TSC2: variants seen among roughly 807,000 people sequenced by gnomAD.
The protein encoded by TSC2 is TSC complex subunit 2, also known as tuberin.
Under a neutral mutation model 202.2 loss-of-function variants are expected in TSC2, and 29 were observed. The observed-to-expected ratio is 0.14, with a 90% CI of 0.11 to 0.20. The LOEUF is 0.20. TSC2 is among the 10% of genes least tolerant of loss of function. TSC2 has a pLI of 1.00. For synonymous variants in TSC2, 1,349 were observed against 1,044.0 expected (o/e 1.29, Z -5.63); for missense variants, 2,429 against 2,420.0 (o/e 1.00, Z -0.08).
intron 10 of TSC2, among the ~76,000 whole-genome samples, chr16:2,059,464 T>C (rs566298977): frequency 6.8e-6 from 1 of 146,844 alleles, no homozygotes; most frequent in African/African-American, 2.5e-5. Context: ...CTCAGCCTCC[T>C]GAGTAGCTGG....
chr16:2,082,532 G>C (rs1250795010), intron 32 of TSC2, 28 bp downstream of exon 32: 1 of 1,607,016 alleles, frequency 6.2e-7, no homozygotes, highest in East Asian at 2.2e-5. Context: ...GAAGCGGTTG[G>C]CTGCAGAGCG....
At chr16:2,075,594 G>A (rs567121736) in intron 22 of TSC2, among the ~76,000 whole-genome samples, 32 of 150,976 alleles carry the variant, frequency 2.1e-4, no homozygotes, top group Non-Finnish European at 3.5e-4. Context: ...AATGGTAGGC[G>A]ACAGCTCGAA....
rs774389795 is a variant in TSC2 at position 2,079,016 on chromosome 16, C to T, written c.2967-16C>T. 27 of 1,611,988 alleles carry T rather than the reference C, an allele frequency of 1.7e-5. No individual in the cohort carries two copies. The highest frequency in any genetic ancestry group is 1.6e-4 in the Middle Eastern group (1 of 6,084). ...CTACCTGGCACCCTGACCCTGGTCACGGCCTCTCCCTCCAGCAGGATACAG... is the reference window on the plus strand; with the variant it reads ...CTACCTGGCACCCTGACCCTGGTCATGGCCTCTCCCTCCAGCAGGATACAG... On this transcript the variant is annotated splice_polypyrimidine_tract_variant and intron_variant, in intron 26 of 41. Coordinates refer to ENST00000219476, the MANE Select transcript of TSC2 (RefSeq NM_000548.5). The surrounding 1 kb of genome is among the most constrained non-coding windows in gnomAD (Gnocchi z 4.6).
chr16:2,080,736 G>T (rs761760194), intron 30 of TSC2: 3 of 278,718 alleles, frequency 1.1e-5, no homozygotes, highest in Non-Finnish European at 2.1e-5. Context: ...CGCCCGCCTT[G>T]GCCTCCCAAA....
intron 16 of TSC2, 94 bp downstream of exon 16, chr16:2,065,729 G>A (rs2087261400): frequency 1.8e-6 from 2 of 1,131,430 alleles, no homozygotes; most frequent in Non-Finnish European, 1.3e-6. Flanking sequence ...TTCCCCAGCG[G>A]GACCCACACC....
intron 23 of TSC2, 47 bp from the exon 24 acceptor site, chr16:2,076,021 T>C: frequency 6.2e-7 from 1 of 1,613,498 alleles, no homozygotes; most frequent in Non-Finnish European, 8.5e-7. Flanking sequence ...GCCCTGGGGA[T>C]GTTTCCCTGC....
intron 4 of TSC2, chr16:2,053,753 G>A: frequency 1.7e-6 from 1 of 575,106 alleles, no homozygotes; most frequent in Non-Finnish European, 3.3e-6. Flanking sequence ...CAGCTGGTGT[G>A]GGGCTACGGT....
At chr16:2,049,780 C>T (rs1443658183) in intron 2 of TSC2, among the ~76,000 whole-genome samples, 4 of 151,386 alleles carry the variant, frequency 2.6e-5, no homozygotes, top group East Asian at 2.0e-4. Context: ...GCCGTGATCG[C>T]GCCACTGCAC....
rs1489548085 is a variant in TSC2 at position 2,072,979 on chromosome 16, A to C, written c.2351A>C (p.Lys784Thr). The C allele has an allele frequency of 6.2e-7, 1 of 1,613,480 alleles. No homozygotes were observed. Among genetic ancestry groups the C allele is most frequent in the Non-Finnish European group, 8.5e-7 (1 of 1,180,020 alleles). ...TACCATAACTACCTGGACAAAACCA[A>C]ACAGGTAGGAGGTCAGAGCAGGACA... The part of the protein sequence containing the change: ...ISYHNYLDKT[K>T]QREMVYCLEQ... The change falls in exon 21 of 42, where the codon AAA (lysine) becomes ACA (threonine). Residue 784 changes from lysine (K) to threonine (T), a missense_variant. Lys to Thr is a moderately conservative substitution (Grantham distance 78). Coordinates refer to ENST00000219476, the MANE Select transcript of TSC2 (RefSeq NM_000548.5).
At chr16:2,064,603 A>C in intron 15 of TSC2, 176 bp downstream of exon 15, 2 of 934,544 alleles carry the variant, frequency 2.1e-6, no homozygotes, top group Non-Finnish European at 3.2e-6. Flanking sequence ...CCACTGCTGG[A>C]TTTGTGTCCT....
Position 2,084,358 on chromosome 16 carries a change from C to G in TSC2, c.4136C>G (p.Ser1379Trp). The G allele has an allele frequency of 6.2e-7, 1 of 1,612,666 alleles. No homozygotes were observed. Among genetic ancestry groups the G allele is most frequent in the Non-Finnish European group, 8.5e-7 (1 of 1,179,978 alleles). Residue 1379 changes from serine to tryptophan, a missense_variant, in exon 34 of 42, where the codon TCG (serine) becomes TGG (tryptophan). Transcript: ENST00000219476. ...RPSVDLSFQP[S>W]QPLSKSSSSP... ...TCTGTGGACCTCTCCTTCCAGCCCT[C>G]GCAGCCCCTGAGCAAGTCCAGCTCC... is the stretch of plus-strand genomic sequence containing the variant.
At chr16:2,063,916 CCA>C (rs1415286367) in intron 14 of TSC2, 10 of 410,988 alleles carry the variant, frequency 2.4e-5, no homozygotes, top group Admixed American at 7.1e-5. Context: ...GTGCACACAG[CCA>C]CACACACCCT....
At chr16:2,083,921 T>G (rs187394578) in intron 33 of TSC2, 105 bp downstream of exon 33, 1 of 1,477,452 alleles carries the variant, frequency 6.8e-7, no homozygotes, top group African/African-American at 1.4e-5. Flanking sequence ...GCTCTGAACT[T>G]GGGGGAGATG....
chr16:2,070,313 G>A (rs2088080407), intron 16 of TSC2, 143 bp from the exon 17 acceptor site: 2 of 1,405,208 alleles, frequency 1.4e-6, no homozygotes. Flanking sequence ...AGAGAGTCCT[G>A]GTGGTCCTGG....
At position 2,056,759 on chromosome 16, in the gene TSC2, C is replaced by A. The variant is rs2085896951; in HGVS notation, c.764C>A (p.Pro255His). The change falls in exon 8 of 42, where the codon CCT becomes CAT. Residue 255 changes from proline (P) to histidine (H), a missense_variant. Pro to His is a moderately conservative substitution (Grantham distance 77). Coordinates refer to ENST00000219476, the MANE Select transcript of TSC2 (RefSeq NM_000548.5). ...RTINVKELCEPCWKLMRNLLG... is the reference protein window; with the variant it reads ...RTINVKELCEHCWKLMRNLLG... ...ATCAACGTCAAGGAGCTCTGCGAGCCTTGCTGGAAGGTGGGGTTTCTGAAA... is the reference window on the plus strand; with the variant it reads ...ATCAACGTCAAGGAGCTCTGCGAGCATTGCTGGAAGGTGGGGTTTCTGAAA... 6.2e-7 allele frequency: 1 copy of A among 1,609,428 alleles called. No homozygotes were observed. Among genetic ancestry groups the A allele is most frequent in the South Asian group, 1.1e-5 (1 of 91,052 alleles).
At chr16:2,072,718 G>A (rs2088658480) in intron 20 of TSC2, 131 bp from the exon 21 acceptor site, 2 of 1,465,186 alleles carry the variant, frequency 1.4e-6, no homozygotes, top group African/African-American at 1.4e-5. Context: ...TTCCTGGGAG[G>A]GAGGCAAGAA....
chr16:2,075,720 T>C, intron 22 of TSC2, 79 bp from the exon 23 acceptor site: 1 of 1,489,462 alleles, frequency 6.7e-7, no homozygotes, highest in Non-Finnish European at 9.3e-7. Flanking sequence ...ATCGCTGCCG[T>C]GGGCAGAGCA....
chr16:2,067,055 A>AT (rs2087486695), intron 16 of TSC2, among the ~76,000 whole-genome samples: 1 of 152,124 alleles, frequency 6.6e-6, no homozygotes, highest in Non-Finnish European at 1.5e-5. Context: ...GTTTGCTCAA[A>AT]AGCTCATCCT....
At chr16:2,065,347 A>G in intron 15 of TSC2, 172 bp from the exon 16 acceptor site, 2 of 649,490 alleles carry the variant, frequency 3.1e-6, no homozygotes, top group South Asian at 1.7e-5. Flanking sequence ...TGGGAGGCGG[A>G]GCTTGTAGTG....
Sources: allele counts gnomAD v4.1 joint callset (sites outside exome capture counted in the v4.1 genomes callset), GRCh38; gene constraint gnomAD v4.1.1; non-coding constraint Gnocchi (gnomAD v3.1); transcripts MANE v1.5; gene names NCBI Gene and HGNC (gene_info 2026-07-23, HGNC 2026-07-21).